Variants in TMEM135 observed in about 807,000 individuals in gnomAD.
The protein encoded by TMEM135 is peroxisomal membrane protein 52.
Under a neutral mutation model 60.3 loss-of-function variants are expected in TMEM135, and 30 were observed. The observed-to-expected ratio is 0.50, with a 90% confidence interval of 0.37 to 0.68. TMEM135 has a LOEUF of 0.68. TMEM135 is among the 30% of genes least tolerant of loss of function. TMEM135 has a pLI of 0.00. For missense variants in TMEM135, 468 were observed against 548.8 expected, an observed-to-expected ratio of 0.85 and a Z score of 1.47; for synonymous variants, 190 against 186.7, an observed-to-expected ratio of 1.02 and a Z score of -0.14.
intron 1 of TMEM135, among the ~76,000 whole-genome samples, chr11:87,052,923 A>G (rs1283543370): frequency 1.1e-5 from 1 of 88,358 alleles, no homozygotes; most frequent in African/African-American, 4.5e-5. Context: ...CCAAATGTCC[A>G]ACAATGATAG....
chr11:87,189,626 TA>T (rs1836472768), intron 5 of TMEM135, among the ~76,000 whole-genome samples: 1 of 151,916 alleles, frequency 6.6e-6, no homozygotes, highest in African/African-American at 2.4e-5. Context: ...TAAATAGATT[TA>T]AAAAAATTAG....
At chr11:87,180,676 A>G (rs1386479767) in intron 5 of TMEM135, among the ~76,000 whole-genome samples, 1 of 152,202 alleles carries the variant, frequency 6.6e-6, no homozygotes, top group Non-Finnish European at 1.5e-5. Flanking sequence ...ATGAGGATAG[A>G]GTAAATATCA....
rs548261418 is a variant in TMEM135 at position 87,296,113 on chromosome 11, G to A, written c.551+290G>A. On this transcript the variant is annotated intron_variant, in intron 7 of 14. Transcript: ENST00000305494. ...ACTTCAGGGAGCTTGGAAAGACAGAGCTGCTCATGAACAATTACTGAAAAG... is the reference window on the plus strand; with the variant it reads ...ACTTCAGGGAGCTTGGAAAGACAGAACTGCTCATGAACAATTACTGAAAAG... 5.9e-5 allele frequency among the ~76,000 whole-genome samples: 9 copies of A among 152,204 alleles called. No homozygotes were observed. In the South Asian group the frequency reaches 1.9e-3, roughly 32 times the overall value.
At chr11:87,201,323 C>T (rs942428541) in intron 5 of TMEM135, among the ~76,000 whole-genome samples, 1 of 152,092 alleles carries the variant, frequency 6.6e-6, no homozygotes, top group African/African-American at 2.4e-5. Context: ...CTTTTTACAT[C>T]CTTCATGTTC....
At chr11:87,071,668 A>C in intron 3 of TMEM135, 53 bp downstream of exon 3, 6 of 1,373,174 alleles carry the variant, frequency 4.4e-6, no homozygotes, top group Non-Finnish European at 6.0e-6. Context: ...CCCTACCCCA[A>C]CTATAATTTT....
At chr11:87,066,405 T>C (rs758975366) in intron 1 of TMEM135, among the ~76,000 whole-genome samples, 3 of 152,334 alleles carry the variant, frequency 2.0e-5, no homozygotes, top group East Asian at 1.9e-4. Flanking sequence ...TCTATTATAT[T>C]ACTAACACTT....
chr11:87,092,503 GT>G (rs1376135952), intron 4 of TMEM135, among the ~76,000 whole-genome samples: 1 of 152,100 alleles, frequency 6.6e-6, no homozygotes, highest in Non-Finnish European at 1.5e-5. Flanking sequence ...AAAGCCTAGG[GT>G]ATGCCATCAA....
At chr11:87,227,276 A>T (rs1297032715) in intron 5 of TMEM135, among the ~76,000 whole-genome samples, 3 of 151,988 alleles carry the variant, frequency 2.0e-5, no homozygotes, top group Non-Finnish European at 4.4e-5. Context: ...ACTGAAAAAA[A>T]TTGACTTATG....
At chr11:87,046,276 C>T (rs372494908) in intron 1 of TMEM135, among the ~76,000 whole-genome samples, 1 of 152,112 alleles carries the variant, frequency 6.6e-6, no homozygotes, top group Admixed American at 6.5e-5. Flanking sequence ...TGGTGGTGGG[C>T]ATCTGTAATC....
intron 5 of TMEM135, among the ~76,000 whole-genome samples, chr11:87,208,756 T>C (rs1302210661): frequency 6.6e-6 from 1 of 152,056 alleles, no homozygotes; most frequent in African/African-American, 2.4e-5. Context: ...CTCCAAGACA[T>C]ATAGTCATCA....
chr11:87,096,374 T>C (rs1478568766), intron 4 of TMEM135: 1 of 142,362 alleles, frequency 7.0e-6, no homozygotes, highest in Non-Finnish European at 1.5e-5. Flanking sequence ...CACCCAGTTA[T>C]ACCTTCCTTC....
At chr11:87,186,642 CAGG>C (rs1408573362) in intron 5 of TMEM135, among the ~76,000 whole-genome samples, 1 of 152,136 alleles carries the variant, frequency 6.6e-6, no homozygotes, top group Non-Finnish European at 1.5e-5. Context: ...ATTTTTCTCA[CAGG>C]AGATTTGAAT....
intron 5 of TMEM135, among the ~76,000 whole-genome samples, chr11:87,214,179 A>T (rs958856818): frequency 1.3e-5 from 2 of 152,180 alleles, no homozygotes; most frequent in Non-Finnish European, 2.9e-5. Flanking sequence ...CCACAAAAGG[A>T]TGAGATCCCT....
chr11:87,291,900 C>T (rs1221378617), intron 6 of TMEM135, among the ~76,000 whole-genome samples: 1 of 152,092 alleles, frequency 6.6e-6, no homozygotes, highest in Non-Finnish European at 1.5e-5. Flanking sequence ...TGAGAACCTC[C>T]CAAAGTTCTT....
At chr11:87,098,608 ATAC>A (rs1263005297) in intron 4 of TMEM135, among the ~76,000 whole-genome samples, 59 of 152,284 alleles carry the variant, frequency 3.9e-4, no homozygotes, top group African/African-American at 1.4e-3. Context: ...GTGATAATAA[ATAC>A]TACAACCTGA....
chr11:87,063,063 A>G (rs1372654473), intron 1 of TMEM135, among the ~76,000 whole-genome samples: 2 of 152,216 alleles, frequency 1.3e-5, no homozygotes, highest in Non-Finnish European at 2.9e-5. Flanking sequence ...TATTTATTGT[A>G]GAAAGTCTGG....
At chr11:87,091,661 A>G (rs974172470) in intron 4 of TMEM135, among the ~76,000 whole-genome samples, 2 of 152,024 alleles carry the variant, frequency 1.3e-5, no homozygotes, top group Non-Finnish European at 2.9e-5. Flanking sequence ...CATCTCTGAT[A>G]GGCTGTACTT....
At chr11:87,045,178 T>TA (rs1949784888) in intron 1 of TMEM135, among the ~76,000 whole-genome samples, 5 of 150,992 alleles carry the variant, frequency 3.3e-5, no homozygotes, top group Non-Finnish European at 7.4e-5. Flanking sequence ...TACAGGTGCC[T>TA]GCCACCACGC....
chr11:87,152,094 C>T (rs1423525042), intron 4 of TMEM135, among the ~76,000 whole-genome samples: 1 of 152,086 alleles, frequency 6.6e-6, no homozygotes, highest in East Asian at 1.9e-4. Flanking sequence ...TATTGATGCT[C>T]CTAATTCCTA....
Sources: gnomAD v4.1 joint callset for allele counts (sites outside exome capture counted in the v4.1 genomes callset) on GRCh38, gnomAD v4.1.1 for gene constraint, MANE v1.5 for transcripts, NCBI Gene and HGNC (gene_info 2026-07-23, HGNC 2026-07-21) for gene names.